ZNF536: variants seen among roughly 807,000 people sequenced by gnomAD.
ZNF536 encodes the protein zinc finger protein 536.
Under a neutral mutation model 84.5 loss-of-function variants are expected in ZNF536, and 13 were observed. The observed-to-expected ratio is 0.15, with a 90% confidence interval of 0.10 to 0.24. The LOEUF (loss-of-function observed/expected upper bound fraction) is 0.24. Ranked by LOEUF, ZNF536 falls within the 10% of genes least tolerant of loss-of-function variation. The probability of loss-of-function intolerance (pLI) is 1.00; values close to 1 mark genes in which losing one functional copy is unlikely to be tolerated. For synonymous variants in ZNF536, 811 were observed against 742.5 expected, an observed-to-expected ratio of 1.09 and a Z score of -1.50; for missense variants, 1,536 against 1,747.5, an observed-to-expected ratio of 0.88 and a Z score of 2.16.
intron 1 of ZNF536, among the ~76,000 whole-genome samples, chr19:30,582,736 C>T (rs1481732591): frequency 2.6e-5 from 4 of 152,028 alleles, no homozygotes; most frequent in Admixed American, 2.0e-4. Flanking sequence ...TACATGGCAG[C>T]AGACAAGAGA....
At chr19:30,690,164 A>G (rs146458672) in intron 1 of ZNF536, among the ~76,000 whole-genome samples, 1 of 152,344 alleles carries the variant, frequency 6.6e-6, no homozygotes, top group East Asian at 1.9e-4. Context: ...TCAACCACTT[A>G]CTGGGCGCAC....
chr19:30,612,237 T>G (rs2048128465), intron 1 of ZNF536, among the ~76,000 whole-genome samples: 1 of 152,162 alleles, frequency 6.6e-6, no homozygotes, highest in South Asian at 2.1e-4. Flanking sequence ...CAAGATCAAT[T>G]AAGTGGAGAG....
rs1307713464 is a variant in ZNF536 at position 30,666,935 on chromosome 19, G to A, written c.170-43822G>A. 2.0e-5 allele frequency among the ~76,000 whole-genome samples: 3 copies of A among 151,930 alleles called. No homozygotes were observed. The East Asian group carries it at 5.8e-4, about 29-fold the overall frequency. ...TACAGAGCATATCAGGCAATTTCTGGAAAAGTCAGAAGTTGTGGTAACCCT... is the reference window on the plus strand; with the variant it reads ...TACAGAGCATATCAGGCAATTTCTGAAAAAGTCAGAAGTTGTGGTAACCCT... On this transcript the variant is annotated intron_variant, in intron 1 of 1. Coordinates refer to the ZNF536 transcript ENST00000592773.
chr19:30,547,838 T>C, intron 3 of ZNF536, 105 bp from the exon 4 acceptor site: 2 of 1,313,410 alleles, frequency 1.5e-6, no homozygotes, highest in African/African-American at 1.5e-5. Context: ...AATTATTAGT[T>C]TGAGCTGCTT....
intron 1 of ZNF536, among the ~76,000 whole-genome samples, chr19:30,440,343 A>T (rs1170991392): frequency 1.3e-5 from 2 of 151,826 alleles, no homozygotes; most frequent in Non-Finnish European, 2.9e-5. Context: ...TCCGATTCGG[A>T]TCGTAGGTGC....
chr19:30,380,477 G>A (rs559193611), intron 1 of ZNF536, among the ~76,000 whole-genome samples: 2 of 152,172 alleles, frequency 1.3e-5, no homozygotes, highest in Admixed American at 6.5e-5. Context: ...GTGAGGCCAC[G>A]TGAATCTGAG....
intron 1 of ZNF536, among the ~76,000 whole-genome samples, chr19:30,620,412 C>A (rs2048442336): frequency 6.6e-6 from 1 of 152,032 alleles, no homozygotes; most frequent in South Asian, 2.1e-4. Flanking sequence ...TTCTTTGGGT[C>A]AAGATCAAAT....
In ZNF536 at chr19:30,402,796, A is replaced by ATATATATATATATATATATATATATATAT. The variant is rs1555744993; in HGVS notation, c.-3+30240_-3+30241insTATATATATATATATATATATATATATAT. ...TTTTAAACATTTTTTAAAATTAAAAAATATATATATATATATATATATATA... is the reference window on the plus strand; with the variant it reads ...TTTTAAACATTTTTTAAAATTAAAAATATATATATATATATATATATATATATATATATATATATATATATATATATATA... On this transcript the variant is annotated intron_variant, in intron 1 of 4. Coordinates refer to ENST00000355537, the MANE Select transcript of ZNF536 (RefSeq NM_014717.3). 7.0e-5 allele frequency among the ~76,000 whole-genome samples: 6 copies of ATATATATATATATATATATATATATATAT among 85,606 alleles called. 2 individuals are homozygous for ATATATATATATATATATATATATATATAT. Among genetic ancestry groups the ATATATATATATATATATATATATATATAT allele is most frequent in the African/African-American group, 1.1e-4 (3 of 26,334 alleles). 56.2% of individuals were successfully genotyped at this position (85,606 alleles called of 152,430 possible). A position where few individuals can be genotyped will look rare whatever the true frequency, so the allele number is the denominator to read the frequency against.
chr19:30,467,075 G>A (rs945609485), intron 2 of ZNF536, among the ~76,000 whole-genome samples: 5 of 152,046 alleles, frequency 3.3e-5, no homozygotes, highest in Non-Finnish European at 5.9e-5. Flanking sequence ...TCCTGACCTC[G>A]TGATCCTCCG....
chr19:30,708,150 G>T (rs187200214), intron 1 of ZNF536, among the ~76,000 whole-genome samples: 3 of 151,074 alleles, frequency 2.0e-5, no homozygotes, highest in Admixed American at 1.3e-4. Context: ...AGATGGTCAT[G>T]GTTCTTGCCC....
intron 2 of ZNF536, among the ~76,000 whole-genome samples, chr19:30,285,745 G>A (rs1041991477): frequency 1.3e-5 from 2 of 152,032 alleles, no homozygotes; most frequent in South Asian, 2.1e-4. Context: ...GATTGGTTGC[G>A]GGGCCCTCCC....
At chr19:30,472,078 T>G (rs982401948) in intron 2 of ZNF536, among the ~76,000 whole-genome samples, 1 of 152,234 alleles carries the variant, frequency 6.6e-6, no homozygotes, top group Non-Finnish European at 1.5e-5. Flanking sequence ...TGGTCTCAGG[T>G]GCATACCTGC....
At chr19:30,314,698 T>C (rs998505272) in intron 2 of ZNF536, among the ~76,000 whole-genome samples, 2 of 152,034 alleles carry the variant, frequency 1.3e-5, no homozygotes, top group Admixed American at 1.3e-4. Context: ...TCTCCCTCAC[T>C]CCAGGGGCCT....
chr19:30,404,088 C>A (rs531179882), intron 1 of ZNF536, among the ~76,000 whole-genome samples: 1 of 141,560 alleles, frequency 7.1e-6, no homozygotes, highest in East Asian at 2.3e-4. Context: ...TTTGTTCCAT[C>A]CCACGTTTCT....
At chr19:30,333,973 T>C (rs948206024) in intron 2 of ZNF536, among the ~76,000 whole-genome samples, 10 of 152,220 alleles carry the variant, frequency 6.6e-5, no homozygotes, top group African/African-American at 2.2e-4. Flanking sequence ...TTAATGAGGA[T>C]AGTTAAATTT....
intron 1 of ZNF536, among the ~76,000 whole-genome samples, chr19:30,264,925 A>G (rs1307657992): frequency 7.3e-6 from 1 of 137,180 alleles, no homozygotes; most frequent in African/African-American, 2.7e-5. Flanking sequence ...TGCTCTGTCA[A>G]TAGTCGTGTG....
At chr19:30,563,889 GCACACAGGC>G (rs2046261665) in intron 1 of ZNF536, among the ~76,000 whole-genome samples, 1 of 152,188 alleles carries the variant, frequency 6.6e-6, no homozygotes, top group South Asian at 2.1e-4. Flanking sequence ...ACAGGCTGGG[GCACACAGGC>G]CTGGAACCTC....
At chr19:30,357,094 G>A (rs1224774045) in intron 3 of ZNF536, among the ~76,000 whole-genome samples, 1 of 152,246 alleles carries the variant, frequency 6.6e-6, no homozygotes, top group African/African-American at 2.4e-5. Context: ...AAGGAAACCA[G>A]TGGATATGAT....
At chr19:30,607,615 G>A (rs946346941) in intron 1 of ZNF536, among the ~76,000 whole-genome samples, 6 of 151,670 alleles carry the variant, frequency 4.0e-5, no homozygotes, top group Middle Eastern at 3.4e-3. Context: ...ACAGCTACTC[G>A]GGAGGCTGAG....
Sources: allele counts gnomAD v4.1 joint callset (sites outside exome capture counted in the v4.1 genomes callset), GRCh38; gene constraint gnomAD v4.1.1; transcripts MANE v1.5; gene names NCBI Gene and HGNC (gene_info 2026-07-23, HGNC 2026-07-21).